The following ZNF536 variants were observed in gnomAD, a reference collection of about 807,000 sequenced individuals.
ZNF536 encodes the protein zinc finger protein 536.
In ZNF536, 13 loss-of-function variants were observed where a neutral mutation model predicts 84.5. The ratio of observed to expected loss-of-function variants is 0.15; its 90% CI spans 0.10 to 0.24. The LOEUF (loss-of-function observed/expected upper bound fraction) is 0.24, where lower values mean the gene tolerates loss of function less well. ZNF536 is among the 10% of genes least tolerant of loss of function. The pLI, the probability that ZNF536 is intolerant of heterozygous loss-of-function variation, is 1.00. For missense variants in ZNF536, 1,536 were observed against 1,747.5 expected (o/e 0.88, Z 2.16); for synonymous variants, 811 against 742.5 (o/e 1.09, Z -1.50).
chr19:30,518,271 T>C (rs974468550), intron 2 of ZNF536, among the ~76,000 whole-genome samples: 2 of 152,128 alleles, frequency 1.3e-5, no homozygotes, highest in African/African-American at 4.8e-5. Flanking sequence ...TTACGAAGGG[T>C]AGCTTCAGTG....
chr19:30,627,678 C>T (rs1023929844), intron 1 of ZNF536, among the ~76,000 whole-genome samples: 1 of 152,030 alleles, frequency 6.6e-6, no homozygotes, highest in African/African-American at 2.4e-5. Flanking sequence ...AGGGGTTCCG[C>T]AGATTCTCTG....
chr19:30,331,426 C>T (rs1331158573), intron 2 of ZNF536, among the ~76,000 whole-genome samples: 2 of 151,506 alleles, frequency 1.3e-5, no homozygotes, highest in Non-Finnish European at 1.5e-5. Flanking sequence ...TGCTGATTCC[C>T]CATCAGATTT....
At chr19:30,596,028 G>C (rs537883324) in intron 1 of ZNF536, among the ~76,000 whole-genome samples, 12 of 152,246 alleles carry the variant, frequency 7.9e-5, no homozygotes, top group African/African-American at 2.6e-4. Context: ...CATCCAAAAG[G>C]GTTTGTTCTT....
At chr19:30,326,465 G>T (rs1401968459) in intron 2 of ZNF536, among the ~76,000 whole-genome samples, 1 of 152,182 alleles carries the variant, frequency 6.6e-6, no homozygotes, top group East Asian at 1.9e-4. Context: ...TCGTGGTAGG[G>T]AACAAGTGTC....
At chr19:30,458,131 G>T (rs1212675763) in intron 2 of ZNF536, among the ~76,000 whole-genome samples, 1 of 152,146 alleles carries the variant, frequency 6.6e-6, no homozygotes, top group African/African-American at 2.4e-5. Flanking sequence ...CTTCACTTTG[G>T]AGCCGGGCCC....
chr19:30,470,477 T>C (rs1377410615), intron 2 of ZNF536, among the ~76,000 whole-genome samples: 1 of 151,972 alleles, frequency 6.6e-6, no homozygotes, highest in African/African-American at 2.4e-5. Context: ...TTAGTTTTTT[T>C]TTTTTTTTAA....
intron 2 of ZNF536, among the ~76,000 whole-genome samples, chr19:30,345,686 G>A (rs1212119413): frequency 2.6e-5 from 4 of 152,210 alleles, no homozygotes; most frequent in Non-Finnish European, 4.4e-5. Flanking sequence ...CCAGGTCATT[G>A]AAGGCAGAGA....
At chr19:30,452,868 G>T (rs1016335458) in intron 2 of ZNF536, among the ~76,000 whole-genome samples, 1 of 151,942 alleles carries the variant, frequency 6.6e-6, no homozygotes, top group Non-Finnish European at 1.5e-5. Flanking sequence ...CATCTGATGG[G>T]TGCATCTCTC....
chr19:30,308,064 A>G (rs892810365), intron 2 of ZNF536, among the ~76,000 whole-genome samples: 3 of 152,246 alleles, frequency 2.0e-5, no homozygotes, highest in Admixed American at 6.5e-5. Flanking sequence ...GGCCTGTATT[A>G]ACAAGGGCTC....
chr19:30,396,593 T>TTTA (rs1555742757), intron 1 of ZNF536, among the ~76,000 whole-genome samples: 1 of 1,440 alleles, frequency 6.9e-4, no homozygotes, highest in Non-Finnish European at 4.3e-3. Flanking sequence ...GGGCTCTCTC[T>TTTA]TTTTTTTTTT....
intron 1 of ZNF536, among the ~76,000 whole-genome samples, chr19:30,706,707 A>G (rs1214297984): frequency 2.0e-5 from 3 of 152,074 alleles, no homozygotes; most frequent in African/African-American, 7.2e-5. Context: ...GGAGTTCTTT[A>G]CTCGAAAGAC....
intron 2 of ZNF536, among the ~76,000 whole-genome samples, chr19:30,320,647 A>T (rs2046823249): frequency 6.6e-6 from 1 of 152,176 alleles, no homozygotes; most frequent in East Asian, 1.9e-4. Flanking sequence ...GAGGCCTTGC[A>T]GATGGAACGG....
At chr19:30,307,822 G>A (rs2046385872) in intron 2 of ZNF536, among the ~76,000 whole-genome samples, 1 of 152,172 alleles carries the variant, frequency 6.6e-6, no homozygotes, top group South Asian at 2.1e-4. Context: ...TTCTCACTGT[G>A]TTGAAGCTTT....
chr19:30,701,114 G>A (rs1476506628), intron 1 of ZNF536, among the ~76,000 whole-genome samples: 1 of 152,114 alleles, frequency 6.6e-6, no homozygotes, highest in Non-Finnish European at 1.5e-5. Context: ...GATGTTCCTC[G>A]TGCTCAATGC....
At chr19:30,430,320 C>T (rs2051398586) in intron 1 of ZNF536, among the ~76,000 whole-genome samples, 1 of 152,214 alleles carries the variant, frequency 6.6e-6, no homozygotes, top group East Asian at 1.9e-4. Flanking sequence ...TTGCTTGTTC[C>T]TCTATTCAGT....
At chr19:30,252,878 G>A (rs921848909) in intron 1 of ZNF536, among the ~76,000 whole-genome samples, 14 of 152,178 alleles carry the variant, frequency 9.2e-5, no homozygotes, top group African/African-American at 3.4e-4. Flanking sequence ...GACATATCTT[G>A]TTATTTTAAA....
chr19:30,311,157 C>G (rs1240003910), intron 2 of ZNF536, among the ~76,000 whole-genome samples: 2 of 152,202 alleles, frequency 1.3e-5, no homozygotes, highest in Non-Finnish European at 2.9e-5. Context: ...AGAGGGGCCT[C>G]TCTGTGCTTC....
chr19:30,561,048 A>G (rs1311595678), downstream of ZNF536, among the ~76,000 whole-genome samples: 1 of 152,240 alleles, frequency 6.6e-6, no homozygotes, highest in Non-Finnish European at 1.5e-5. Context: ...AGTTGTCCAG[A>G]CACACCCATC....
intron 1 of ZNF536, among the ~76,000 whole-genome samples, chr19:30,412,274 A>G (rs1355778894): frequency 1.3e-5 from 2 of 151,954 alleles, no homozygotes; most frequent in Non-Finnish European, 2.9e-5. Flanking sequence ...TAAGACTTCC[A>G]GGACAGAGTG....
Sources: allele counts gnomAD v4.1 joint callset (sites outside exome capture counted in the v4.1 genomes callset), GRCh38; gene constraint gnomAD v4.1.1; transcripts MANE v1.5; gene names NCBI Gene and HGNC (gene_info 2026-07-23, HGNC 2026-07-21).